Variants in PPP2R2B observed in about 807,000 individuals in gnomAD.
PPP2R2B encodes the protein protein phosphatase 2 regulatory subunit Bbeta.
A neutral mutation model predicts 46.0 loss-of-function variants in PPP2R2B; 5 were observed. The ratio of observed to expected loss-of-function variants is 0.11; its 90% CI spans 0.06 to 0.23. PPP2R2B has a LOEUF of 0.23. Among genes scored for constraint, PPP2R2B ranks in the 10% least tolerant of loss-of-function variants. The pLI is 1.00. For synonymous variants in PPP2R2B, 215 were observed against 206.7 expected (o/e 1.04, Z -0.34); for missense variants, 367 against 575.0 (o/e 0.64, Z 3.70).
intron 2 of PPP2R2B, among the ~76,000 whole-genome samples, chr5:146,718,849 A>T (rs1780637856): frequency 6.6e-6 from 1 of 152,206 alleles, no homozygotes; most frequent in South Asian, 2.1e-4. Flanking sequence ...AGTTCATTAG[A>T]GGCTGAGCCA....
intron 2 of PPP2R2B, among the ~76,000 whole-genome samples, chr5:146,823,742 T>C (rs1758411625): frequency 6.6e-6 from 1 of 152,164 alleles, no homozygotes; most frequent in Non-Finnish European, 1.5e-5. Context: ...CCTAACTTTC[T>C]GAATTTTCCT....
At chr5:147,065,957 C>A (rs1190385260) in intron 2 of PPP2R2B, among the ~76,000 whole-genome samples, 2 of 151,988 alleles carry the variant, frequency 1.3e-5, no homozygotes, top group African/African-American at 4.8e-5. Flanking sequence ...ATTCTCAGGA[C>A]CCCCAGGCTC....
chr5:146,727,211 G>A (rs1049069746), intron 2 of PPP2R2B, among the ~76,000 whole-genome samples: 14 of 151,036 alleles, frequency 9.3e-5, no homozygotes, highest in African/African-American at 3.4e-4. Context: ...TTCAGAGTGT[G>A]GATTCCTACA....
At chr5:146,669,634 A>T (rs922010107) in intron 5 of PPP2R2B, among the ~76,000 whole-genome samples, 8 of 152,150 alleles carry the variant, frequency 5.3e-5, no homozygotes, top group Non-Finnish European at 8.8e-5. Context: ...CCTCTGTAAA[A>T]CTGCCACTTT....
At chr5:147,030,304 A>G (rs1755721531) in intron 1 of PPP2R2B, among the ~76,000 whole-genome samples, 1 of 152,192 alleles carries the variant, frequency 6.6e-6, no homozygotes, top group Non-Finnish European at 1.5e-5. Context: ...TCATGTGAAG[A>G]TATAAGTTCA....
chr5:146,730,624 A>G (rs1752169995), intron 2 of PPP2R2B, among the ~76,000 whole-genome samples: 2 of 152,274 alleles, frequency 1.3e-5, no homozygotes, highest in Admixed American at 6.5e-5. Flanking sequence ...ATAATAGTGA[A>G]TAAGTCTCAT....
intron 2 of PPP2R2B, among the ~76,000 whole-genome samples, chr5:147,065,890 G>T (rs1395141146): frequency 5.3e-5 from 8 of 152,042 alleles, no homozygotes; most frequent in Admixed American, 4.6e-4. Context: ...TGAGCTAAAT[G>T]CCAACAAGCA....
At chr5:146,821,558 C>A (rs1171975363) in intron 2 of PPP2R2B, among the ~76,000 whole-genome samples, 1 of 152,206 alleles carries the variant, frequency 6.6e-6, no homozygotes, top group South Asian at 2.1e-4. Context: ...CTTAACAGCA[C>A]AGGCTTTGGG....
chr5:146,964,517 A>ATTTATTTTTATT (rs554464642), intron 1 of PPP2R2B, among the ~76,000 whole-genome samples: 2 of 151,684 alleles, frequency 1.3e-5, no homozygotes, highest in Non-Finnish European at 2.9e-5. Flanking sequence ...CAGCTCCTGT[A>ATTTATTTTTATT]TTTATTTTTA....
chr5:146,874,972 T>C (rs1761815677), intron 2 of PPP2R2B, among the ~76,000 whole-genome samples: 2 of 152,192 alleles, frequency 1.3e-5, no homozygotes, highest in South Asian at 4.1e-4. Context: ...GCTTATACAC[T>C]GAGATAAAAC....
At chr5:146,891,956 C>G (rs1762503678) in intron 1 of PPP2R2B, among the ~76,000 whole-genome samples, 1 of 152,188 alleles carries the variant, frequency 6.6e-6, no homozygotes, top group African/African-American at 2.4e-5. Flanking sequence ...TCTTAAGACA[C>G]TACACATCAC....
At chr5:146,853,218 T>C (rs1325476786) in intron 2 of PPP2R2B, among the ~76,000 whole-genome samples, 1 of 152,126 alleles carries the variant, frequency 6.6e-6, no homozygotes, top group Non-Finnish European at 1.5e-5. Flanking sequence ...TGCTAACAAA[T>C]CAAGAAATGG....
At chr5:146,934,150 A>T (rs926089114) in intron 1 of PPP2R2B, among the ~76,000 whole-genome samples, 1 of 152,090 alleles carries the variant, frequency 6.6e-6, no homozygotes, top group African/African-American at 2.4e-5. Flanking sequence ...ATATGTGTGC[A>T]TGTGTCTTTA....
At chr5:146,714,153 C>A (rs373014349) in intron 2 of PPP2R2B, among the ~76,000 whole-genome samples, 38 of 152,128 alleles carry the variant, frequency 2.5e-4, no homozygotes, top group African/African-American at 8.7e-4. Flanking sequence ...ATCAAAGAAA[C>A]GTAATGTCCT....
intron 1 of PPP2R2B, among the ~76,000 whole-genome samples, chr5:146,952,856 G>C (rs1751684825): frequency 6.6e-6 from 1 of 152,080 alleles, no homozygotes; most frequent in African/African-American, 2.4e-5. Context: ...TTTAGCAAAT[G>C]GATGACCTGG....
intron 2 of PPP2R2B, among the ~76,000 whole-genome samples, chr5:146,827,052 C>T (rs182926500): frequency 1.3e-5 from 2 of 152,272 alleles, no homozygotes; most frequent in South Asian, 2.1e-4. Flanking sequence ...TCTGCTTCTT[C>T]CCCATTCTTT....
At chr5:146,867,708 C>T (rs768029545) in intron 2 of PPP2R2B, among the ~76,000 whole-genome samples, 12 of 152,090 alleles carry the variant, frequency 7.9e-5, no homozygotes, top group South Asian at 2.1e-4. Context: ...CACAGTTTCA[C>T]GCACCCTGGC....
At chr5:146,890,540 G>A (rs1300374385) in intron 1 of PPP2R2B, among the ~76,000 whole-genome samples, 2 of 152,142 alleles carry the variant, frequency 1.3e-5, no homozygotes, top group South Asian at 2.1e-4. Context: ...TGCAAAAAAG[G>A]TTGTCAATCT....
rs760723260 is a variant in PPP2R2B, at chr5:146,911,088, C to CTTGTCT, written c.79+144576_79+144577insAGACAA. Among the ~76,000 whole-genome samples, 827 of 142,164 alleles carry CTTGTCT rather than the reference C, an allele frequency of 5.8e-3. 11 individuals are homozygous for CTTGTCT. The highest frequency in any genetic ancestry group is 0.018 in the African/African-American group (687 of 38,530). 93.3% of individuals were successfully genotyped at this position (142,164 alleles called of 152,430 possible). A position where few individuals can be genotyped will look rare whatever the true frequency, so the allele number is the denominator to read the frequency against. On this transcript the variant is annotated intron_variant, in intron 1 of 8. Coordinates refer to the PPP2R2B transcript ENST00000336640. ...GATCAGATTGTCTGTTAGACACTTTCTTTTTTTTTTTTTGAGATGGAGTCT... is the reference window on the plus strand; with the variant it reads ...GATCAGATTGTCTGTTAGACACTTTCTTGTCTTTTTTTTTTTTTTGAGATGGAGTCT...
Sources: allele counts gnomAD v4.1 joint callset (sites outside exome capture counted in the v4.1 genomes callset), GRCh38; gene constraint gnomAD v4.1.1; transcripts MANE v1.5; gene names NCBI Gene and HGNC (gene_info 2026-07-23, HGNC 2026-07-21).